The following ADGRL3 variants were observed in gnomAD, a reference collection of about 807,000 sequenced individuals.
ADGRL3 encodes calcium-independent alpha-latrotoxin receptor 3.
Under a neutral mutation model 153.5 loss-of-function variants are expected in ADGRL3, and 62 were observed. The ratio of observed to expected loss-of-function variants is 0.40; its 90% confidence interval spans 0.33 to 0.50. The LOEUF is 0.50. Among genes scored for constraint, ADGRL3 ranks in the 20% least tolerant of loss-of-function variants. The probability of loss-of-function intolerance (pLI) is 0.47; values close to 1 mark genes in which losing one functional copy is unlikely to be tolerated. For synonymous variants in ADGRL3, 710 were observed against 672.5 expected, an observed-to-expected ratio of 1.06 and a Z score of -0.86; for missense variants, 1,641 against 1,859.4, an observed-to-expected ratio of 0.88 and a Z score of 2.16.
chr4:61,351,335 A>G (rs2096045881), intron 1 of ADGRL3, among the ~76,000 whole-genome samples: 1 of 152,258 alleles, frequency 6.6e-6, no homozygotes, highest in African/African-American at 2.4e-5. Context: ...TCCATAACAT[A>G]AAAGTACAAG....
intron 21 of ADGRL3, among the ~76,000 whole-genome samples, chr4:62,021,331 G>A (rs1254637437): frequency 2.6e-5 from 4 of 152,140 alleles, no homozygotes; most frequent in African/African-American, 9.7e-5. Flanking sequence ...GGGCTATGAG[G>A]TGCAATTAGC....
At chr4:61,508,717 C>T (rs1056236811) in intron 3 of ADGRL3, among the ~76,000 whole-genome samples, 4 of 152,108 alleles carry the variant, frequency 2.6e-5, no homozygotes, top group African/African-American at 4.8e-5. Context: ...GGTAGTTTTC[C>T]GACCTTGCCT....
At chr4:61,237,707 A>T (rs1753366689) in intron 1 of ADGRL3, among the ~76,000 whole-genome samples, 1 of 152,212 alleles carries the variant, frequency 6.6e-6, no homozygotes, top group African/African-American at 2.4e-5. Context: ...GAATTATCTC[A>T]TGAAGTTTTG....
chr4:61,825,399 C>T (rs2097791405), intron 9 of ADGRL3, among the ~76,000 whole-genome samples: 2 of 152,128 alleles, frequency 1.3e-5, no homozygotes, highest in African/African-American at 2.4e-5. Flanking sequence ...AATTTAGCAG[C>T]AATACTCTAT....
At chr4:61,823,084 C>G (rs2097770418) in intron 9 of ADGRL3, among the ~76,000 whole-genome samples, 1 of 152,176 alleles carries the variant, frequency 6.6e-6, no homozygotes. Flanking sequence ...GCTCAGTTCT[C>G]TCAACTTCAC....
At chr4:61,302,003 A>C (rs1338746816) in intron 1 of ADGRL3, among the ~76,000 whole-genome samples, 3 of 152,206 alleles carry the variant, frequency 2.0e-5, no homozygotes, top group Non-Finnish European at 4.4e-5. Flanking sequence ...TTAAACTGGG[A>C]ATAATTGTCT....
chr4:61,952,298 G>C (rs1350650878), intron 17 of ADGRL3, among the ~76,000 whole-genome samples: 1 of 151,888 alleles, frequency 6.6e-6, no homozygotes, highest in Non-Finnish European at 1.5e-5. Flanking sequence ...GCAACATAGT[G>C]AAACCTCATC....
At chr4:61,258,919 T>A (rs1291235073) in intron 1 of ADGRL3, among the ~76,000 whole-genome samples, 2 of 152,226 alleles carry the variant, frequency 1.3e-5, no homozygotes, top group Non-Finnish European at 2.9e-5. Context: ...TTTACTTTGC[T>A]TCCTTAAATC....
At chr4:61,652,765 G>T (rs995290138) in intron 5 of ADGRL3, among the ~76,000 whole-genome samples, 6 of 152,002 alleles carry the variant, frequency 3.9e-5, no homozygotes, top group Non-Finnish European at 8.8e-5. Context: ...TTTTCCCCCT[G>T]TAAGAACAGG....
At chr4:61,261,042 G>T (rs1158963951) in intron 1 of ADGRL3, among the ~76,000 whole-genome samples, 1 of 151,902 alleles carries the variant, frequency 6.6e-6, no homozygotes, top group Non-Finnish European at 1.5e-5. Context: ...TTTGTTATTT[G>T]TATTAAGAGA....
intron 2 of ADGRL3, among the ~76,000 whole-genome samples, chr4:61,413,763 C>A (rs1437741057): frequency 6.6e-6 from 1 of 151,972 alleles, no homozygotes; most frequent in Non-Finnish European, 1.5e-5. Flanking sequence ...AAACAACAAA[C>A]AAACAAACAA....
At chr4:62,018,332 T>G (rs985521831) in intron 21 of ADGRL3, among the ~76,000 whole-genome samples, 7 of 152,102 alleles carry the variant, frequency 4.6e-5, no homozygotes, top group African/African-American at 1.7e-4. Flanking sequence ...AACAGATTCT[T>G]ATTGAGTAGA....
At chr4:61,478,997 A>C (rs1341928933) in intron 2 of ADGRL3, among the ~76,000 whole-genome samples, 1 of 152,066 alleles carries the variant, frequency 6.6e-6, no homozygotes, top group South Asian at 2.1e-4. Context: ...TCTTTGTCCA[A>C]TTGATAGGCA....
chr4:61,287,142 C>A (rs1376535284), intron 1 of ADGRL3, among the ~76,000 whole-genome samples: 1 of 151,696 alleles, frequency 6.6e-6, no homozygotes, highest in Non-Finnish European at 1.5e-5. Flanking sequence ...TTTTACCACA[C>A]CAAGATAGAA....
chr4:61,641,807 T>C (rs2093689252), intron 5 of ADGRL3, among the ~76,000 whole-genome samples: 1 of 149,938 alleles, frequency 6.7e-6, no homozygotes, highest in Non-Finnish European at 1.5e-5. Flanking sequence ...TACCCAGTAA[T>C]GGGATGGCTG....
chr4:61,764,230 G>T (rs577741323), intron 8 of ADGRL3, among the ~76,000 whole-genome samples: 3 of 152,104 alleles, frequency 2.0e-5, no homozygotes, highest in Admixed American at 2.0e-4. Flanking sequence ...ATGTGCGTCC[G>T]TGTGAAGAGA....
At chr4:61,986,403 G>A (rs913882569) in intron 19 of ADGRL3, among the ~76,000 whole-genome samples, 10 of 152,022 alleles carry the variant, frequency 6.6e-5, no homozygotes, top group Admixed American at 5.9e-4. Flanking sequence ...TTTACTTTGA[G>A]ACAGATGTCA....
At chr4:61,267,317 C>A (rs1245635560) in intron 1 of ADGRL3, among the ~76,000 whole-genome samples, 1 of 151,674 alleles carries the variant, frequency 6.6e-6, no homozygotes, top group Non-Finnish European at 1.5e-5. Context: ...CTGCTCCCTC[C>A]CCTAAGAAGG....
chr4:61,400,660 T>TAA (rs2152109923), intron 2 of ADGRL3, among the ~76,000 whole-genome samples: 1 of 151,940 alleles, frequency 6.6e-6, no homozygotes, highest in East Asian at 1.9e-4. Context: ...TACTTTGTGT[T>TAA]AAATTTTAAT....
Sources: allele counts gnomAD v4.1 joint callset (sites outside exome capture counted in the v4.1 genomes callset), GRCh38; gene constraint gnomAD v4.1.1; transcripts MANE v1.5; gene names NCBI Gene and HGNC (gene_info 2026-07-23, HGNC 2026-07-21).